The following APCDD1L variants were observed in gnomAD, a reference collection of about 807,000 sequenced individuals.
APCDD1L encodes protein APCDD1-like.
In APCDD1L, 21 loss-of-function variants were observed where a neutral mutation model predicts 24.2. The ratio of observed to expected loss-of-function variants is 0.87; its 90% CI spans 0.61 to 1.25. APCDD1L has a LOEUF of 1.25. Ranked by LOEUF, APCDD1L falls within the 50% of genes most tolerant of loss-of-function variation. The probability of loss-of-function intolerance (pLI) is 0.00; values close to 1 mark genes in which losing one functional copy is unlikely to be tolerated. For synonymous variants in APCDD1L, 321 were observed against 323.6 expected (o/e 0.99, Z 0.09); for missense variants, 704 against 711.7 (o/e 0.99, Z 0.12).
In APCDD1L at chr20:58,508,729, T is replaced by C. The variant is rs1990569188; in HGVS notation, c.49+5930A>G. Among the ~76,000 whole-genome samples the C allele has an allele frequency of 6.6e-6, 1 of 152,152 alleles. No homozygotes were observed. The highest frequency in any genetic ancestry group is 1.5e-5 in the Non-Finnish European group (1 of 68,028). ...AGTACCTACTATGTGCCAGGCACTG[T>C]TCTAGGGACCCGGGAAAGAACTGTC... On this transcript the variant is annotated intron_variant, in intron 1 of 3. Coordinates refer to ENST00000371149, the MANE Select transcript of APCDD1L (RefSeq NM_153360.3). This position sits in a 1 kb window ranked among gnomAD's most constrained non-coding sequence, Gnocchi z 4.0.
In APCDD1L at chr20:58,514,777, C is replaced by G. The variant is rs1242850779; in HGVS notation, c.-70G>C. The G allele has an allele frequency of 1.6e-6, 2 of 1,213,706 alleles. No individual in the cohort carries two copies. Among genetic ancestry groups the G allele is most frequent in the Non-Finnish European group, 2.1e-6 (2 of 957,424 alleles). The allele number at this position is 1,213,706 out of a possible 1,614,324, so 75.2% of individuals were successfully genotyped here. ...CGCAAGGGGAGGCGCGGGCGCAGGG[C>G]TCTCGGACGGCTGCGGGCGCCGGCG... On this transcript the variant is annotated 5_prime_UTR_variant, in exon 1 of 4. Coordinates refer to ENST00000371149, the MANE Select transcript of APCDD1L (RefSeq NM_153360.3).
intron 1 of APCDD1L, among the ~76,000 whole-genome samples, chr20:58,476,340 G>A (rs771661510): frequency 1.3e-5 from 2 of 152,180 alleles, no homozygotes; most frequent in African/African-American, 2.4e-5. Context: ...ACAGGCGCAT[G>A]CCACCATGCC....
intron 1 of APCDD1L, among the ~76,000 whole-genome samples, chr20:58,489,178 CT>C (rs1245932969): frequency 1.3e-5 from 2 of 152,088 alleles, no homozygotes; most frequent in Non-Finnish European, 2.9e-5. Context: ...AATCTGCCCC[CT>C]GCCCCAAACA....
At chr20:58,466,458 C>T (rs1217629879) in intron 3 of APCDD1L, among the ~76,000 whole-genome samples, 1 of 152,214 alleles carries the variant, frequency 6.6e-6, no homozygotes, top group Non-Finnish European at 1.5e-5. Context: ...GCGGCTAGGT[C>T]AGTGTGAGGC....
At chr20:58,484,214 A>G (rs1990077839) in intron 1 of APCDD1L, among the ~76,000 whole-genome samples, 1 of 152,252 alleles carries the variant, frequency 6.6e-6, no homozygotes, top group Admixed American at 6.5e-5. Flanking sequence ...TTTATGCCAT[A>G]CATAGGGCAA....
intron 1 of APCDD1L, among the ~76,000 whole-genome samples, chr20:58,495,193 C>T (rs575292307): frequency 1.2e-4 from 18 of 152,308 alleles, no homozygotes; most frequent in East Asian, 7.7e-4. Context: ...CAGAGTCACA[C>T]GACAAATATG....
intron 1 of APCDD1L, among the ~76,000 whole-genome samples, chr20:58,492,322 A>C (rs1990238261): frequency 6.6e-6 from 1 of 152,250 alleles, no homozygotes; most frequent in African/African-American, 2.4e-5. Flanking sequence ...TGTGTAAAGA[A>C]GTCCTCCAAA....
intron 1 of APCDD1L, among the ~76,000 whole-genome samples, chr20:58,489,960 C>T (rs1006035751): frequency 1.2e-4 from 19 of 152,156 alleles, no homozygotes; most frequent in African/African-American, 4.1e-4. Context: ...ACACGTACCA[C>T]AAACACAATA....
At position 58,461,226 on chromosome 20, in the gene APCDD1L, C is replaced by T. The variant is rs377363686; in HGVS notation, c.1070G>A (p.Arg357Gln). 4.2e-5 allele frequency: 68 copies of T among 1,613,502 alleles called. No homozygotes were observed. Among genetic ancestry groups the T allele is most frequent in the Middle Eastern group, 1.7e-4 (1 of 6,060 alleles). ...CTGGTCCATGGGGGTCACATGGGCC[C>T]GTGTGACCTCAAACACCAGCTCGGT... ...GGTELVFEVTRAHVTPMDQVT... is the reference protein window; with the variant it reads ...GGTELVFEVTQAHVTPMDQVT... Residue 357 changes from arginine to glutamine, a missense_variant, in exon 4 of 4, where the codon CGG becomes CAG. By Grantham distance (43) the Arg-to-Gln change is conservative. Transcript: ENST00000371149. The surrounding 1 kb of genome is among the most constrained non-coding windows in gnomAD (Gnocchi z 6.0).
At chr20:58,483,495 A>G (rs1285817884) in intron 1 of APCDD1L, among the ~76,000 whole-genome samples, 1 of 152,218 alleles carries the variant, frequency 6.6e-6, no homozygotes, top group Non-Finnish European at 1.5e-5. Flanking sequence ...TCAATAACTG[A>G]CACGTCAATC....
chr20:58,481,192 G>A (rs1990018122), intron 1 of APCDD1L, among the ~76,000 whole-genome samples: 1 of 152,222 alleles, frequency 6.6e-6, no homozygotes, highest in African/African-American at 2.4e-5. Flanking sequence ...GGTGTAGTTA[G>A]GAGTCAGTGT....
intron 2 of APCDD1L, among the ~76,000 whole-genome samples, chr20:58,469,789 A>G (rs1030060132): frequency 1.3e-5 from 2 of 152,206 alleles, no homozygotes; most frequent in Non-Finnish European, 2.9e-5. Flanking sequence ...CTCAGGAGGT[A>G]CAGGAAGGAC....
intron 1 of APCDD1L, among the ~76,000 whole-genome samples, chr20:58,473,235 G>A (rs990475134): frequency 1.3e-5 from 2 of 152,102 alleles, no homozygotes; most frequent in Non-Finnish European, 2.9e-5. Flanking sequence ...AGAAAACAAG[G>A]CTTTTTTTTT....
At chr20:58,496,642 G>C (rs1453154409) in intron 1 of APCDD1L, among the ~76,000 whole-genome samples, 5 of 152,230 alleles carry the variant, frequency 3.3e-5, no homozygotes, top group Non-Finnish European at 7.3e-5. Context: ...AGCTAATGTC[G>C]GGGGTCAGCA....
intron 1 of APCDD1L, among the ~76,000 whole-genome samples, chr20:58,479,189 T>C (rs1989975772): frequency 6.6e-6 from 1 of 152,242 alleles, no homozygotes. Context: ...GTAAAATCAA[T>C]TTTAATGATA....
intron 1 of APCDD1L, among the ~76,000 whole-genome samples, chr20:58,505,769 G>A (rs1990518654): frequency 6.6e-6 from 1 of 152,158 alleles, no homozygotes; most frequent in South Asian, 2.1e-4. Flanking sequence ...CACTGCAGGT[G>A]TAACTAATTA....
chr20:58,474,419 C>T (rs6070475), intron 1 of APCDD1L, among the ~76,000 whole-genome samples: 82,935 of 152,072 alleles, frequency 0.55, 23,289 homozygotes, highest in East Asian at 0.66. Flanking sequence ...AAGGTACCAT[C>T]TTGGCTGGGC....
Position 58,470,732 on chromosome 20 carries a change from GC to G in APCDD1L, c.64del (p.Ala22ArgfsTer52). 12 of 1,539,056 alleles carry G rather than the reference GC, an allele frequency of 7.8e-6. No individual in the cohort carries two copies. The highest frequency in any genetic ancestry group is 9.6e-6 in the Non-Finnish European group (11 of 1,146,528). ...LVLLGAHTAP[A>X]AGEAGGSCLR... ...GCAGCTGCCCCCGGCCTCCCCAGCC[GC>G]CGGTGCAGTGTGGGCTGCAAAGCAG... On this transcript the variant is annotated frameshift_variant, in exon 2 of 4. Transcript: ENST00000371149. LOFTEE classifies it high-confidence loss of function.
At chr20:58,490,431 AGGGGTATTTG>A (rs1990204028) in intron 1 of APCDD1L, among the ~76,000 whole-genome samples, 1 of 152,274 alleles carries the variant, frequency 6.6e-6, no homozygotes, top group South Asian at 2.1e-4. Context: ...AGTGAGAAAC[AGGGGTATTTG>A]GGGAAGCCTG....
Sources: gnomAD v4.1 joint callset for allele counts (sites outside exome capture counted in the v4.1 genomes callset) on GRCh38, gnomAD v4.1.1 for gene constraint, Gnocchi (gnomAD v3.1) non-coding constraint, MANE v1.5 for transcripts, NCBI Gene and HGNC (gene_info 2026-07-23, HGNC 2026-07-21) for gene names.